Variants in KDM4C observed in about 807,000 individuals in gnomAD.
KDM4C encodes the protein lysine-specific demethylase 4C.
A neutral mutation model predicts 129.3 loss-of-function variants in KDM4C; 81 were observed. That is an observed-to-expected ratio of 0.63 (90% confidence interval 0.52 to 0.75). The LOEUF is 0.75. Ranked by LOEUF, KDM4C falls within the 30% of genes least tolerant of loss-of-function variation. The pLI is 0.00. For missense variants in KDM4C, 1,457 were observed against 1,304.0 expected (o/e 1.12, Z -1.81); for synonymous variants, 573 against 456.1 (o/e 1.26, Z -3.26).
At chr9:6,801,641 G>GTCTC (rs752049998) in intron 2 of KDM4C, among the ~76,000 whole-genome samples, 12 of 133,158 alleles carry the variant, frequency 9.0e-5, no homozygotes, top group African/African-American at 2.6e-4. Context: ...CTCTCTCTCT[G>GTCTC]TCTCTCTCTC....
chr9:6,764,470 G>T (rs992102219), intron 1 of KDM4C, among the ~76,000 whole-genome samples: 1 of 152,132 alleles, frequency 6.6e-6, no homozygotes, highest in Non-Finnish European at 1.5e-5. Context: ...GCATAGTAGT[G>T]GATACATTTC....
At chr9:6,926,390 A>T (rs902061444) in intron 8 of KDM4C, among the ~76,000 whole-genome samples, 2 of 150,544 alleles carry the variant, frequency 1.3e-5, no homozygotes, top group African/African-American at 4.9e-5. Context: ...GGGACACATG[A>T]GGTGAAAAGT....
At chr9:7,108,503 C>G (rs1404137815) in intron 18 of KDM4C, among the ~76,000 whole-genome samples, 1 of 152,178 alleles carries the variant, frequency 6.6e-6, no homozygotes, top group Admixed American at 6.5e-5. Context: ...TCCCAAAGTG[C>G]TGGGATTACA....
intron 1 of KDM4C, among the ~76,000 whole-genome samples, chr9:6,761,078 C>T (rs1819399730): frequency 6.7e-6 from 1 of 148,584 alleles, no homozygotes; most frequent in African/African-American, 2.5e-5. Flanking sequence ...GGCGCGATCT[C>T]GGCTCACTGC....
intron 8 of KDM4C, among the ~76,000 whole-genome samples, chr9:6,930,559 TTA>T (rs1217944418): frequency 6.7e-6 from 1 of 148,710 alleles, no homozygotes. Context: ...CAACAGTATG[TTA>T]TATATGTTAT....
intron 8 of KDM4C, among the ~76,000 whole-genome samples, chr9:6,945,956 G>A (rs1826886015): frequency 6.6e-6 from 1 of 152,042 alleles, no homozygotes; most frequent in South Asian, 2.1e-4. Flanking sequence ...TTTTCTATTG[G>A]TATTTTATGG....
chr9:7,122,786 T>C (rs1023350379), intron 18 of KDM4C, among the ~76,000 whole-genome samples: 7 of 125,754 alleles, frequency 5.6e-5, no homozygotes, highest in African/African-American at 2.0e-4. Context: ...TTTAAGCCAC[T>C]GTTGGTTCAT....
At chr9:7,163,036 C>T (rs1843970479) in intron 19 of KDM4C, among the ~76,000 whole-genome samples, 1 of 151,990 alleles carries the variant, frequency 6.6e-6, no homozygotes, top group Non-Finnish European at 1.5e-5. Context: ...ACAGGCTTAC[C>T]TAGTGATGGG....
At chr9:6,927,329 C>G (rs563223680) in intron 8 of KDM4C, among the ~76,000 whole-genome samples, 3 of 152,184 alleles carry the variant, frequency 2.0e-5, no homozygotes, top group African/African-American at 7.2e-5. Context: ...GGTGTTTTGC[C>G]GTGTTGGCCA....
At chr9:7,139,001 G>A (rs114628338) in intron 19 of KDM4C, among the ~76,000 whole-genome samples, 1,902 of 152,276 alleles carry the variant, frequency 0.012, 50 homozygotes, top group African/African-American at 0.043. Context: ...GCCAGGCGCA[G>A]TGGCTGACAC....
At chr9:7,054,344 T>C (rs552393413) in intron 17 of KDM4C, among the ~76,000 whole-genome samples, 2 of 152,304 alleles carry the variant, frequency 1.3e-5, no homozygotes, top group Admixed American at 6.5e-5. Flanking sequence ...TTTTCTCTAC[T>C]AGTATGATTG....
chr9:7,118,208 A>G (rs907185587), intron 18 of KDM4C, among the ~76,000 whole-genome samples: 4 of 152,222 alleles, frequency 2.6e-5, no homozygotes, highest in Non-Finnish European at 4.4e-5. Flanking sequence ...CTGCTGGGAA[A>G]CTGCTTACCA....
intron 19 of KDM4C, among the ~76,000 whole-genome samples, chr9:7,142,874 TAC>T (rs1841889809): frequency 6.6e-6 from 1 of 152,100 alleles, no homozygotes; most frequent in African/African-American, 2.4e-5. Context: ...TGTGTGTGTG[TAC>T]ACACAATGTA....
intron 19 of KDM4C, among the ~76,000 whole-genome samples, chr9:7,152,772 T>C (rs1199823947): frequency 6.6e-6 from 1 of 152,178 alleles, no homozygotes; most frequent in East Asian, 1.9e-4. Context: ...CGAAGGAACA[T>C]GGCATGAACT....
intron 1 of KDM4C, among the ~76,000 whole-genome samples, chr9:6,771,304 C>T (rs965260418): frequency 6.6e-6 from 1 of 151,252 alleles, no homozygotes; most frequent in Non-Finnish European, 1.5e-5. Flanking sequence ...CTAAGTATTT[C>T]AATTTTTTTA....
chr9:6,741,023 C>T (rs1168527115), intron 1 of KDM4C, among the ~76,000 whole-genome samples: 1 of 151,882 alleles, frequency 6.6e-6, no homozygotes. Flanking sequence ...TAGGGTTTCA[C>T]TATGTTGGCC....
chr9:7,127,710 A>G (rs1840169747), intron 18 of KDM4C, among the ~76,000 whole-genome samples: 1 of 152,192 alleles, frequency 6.6e-6, no homozygotes, highest in South Asian at 2.1e-4. Context: ...TGGAGATTAA[A>G]GTATCCTATC....
intron 4 of KDM4C, among the ~76,000 whole-genome samples, chr9:6,820,480 C>A (rs1159876413): frequency 6.6e-6 from 1 of 152,134 alleles, no homozygotes; most frequent in South Asian, 2.1e-4. Flanking sequence ...TGACCCATGG[C>A]CCCACAGCAG....
intron 1 of KDM4C, chr9:6,726,674 A>C (rs1246207664): frequency 6.6e-6 from 1 of 152,244 alleles, no homozygotes; most frequent in Non-Finnish European, 1.5e-5. Flanking sequence ...GGTGCCATTC[A>C]TCACTGACAA....
Sources: allele counts gnomAD v4.1 joint callset (sites outside exome capture counted in the v4.1 genomes callset), GRCh38; gene constraint gnomAD v4.1.1; transcripts MANE v1.5; gene names NCBI Gene and HGNC (gene_info 2026-07-23, HGNC 2026-07-21).